Variants in MCOLN3 observed in about 807,000 individuals in gnomAD.
MCOLN3 encodes the protein mucolipin-3.
A neutral mutation model predicts 69.4 loss-of-function variants in MCOLN3; 62 were observed. The ratio of observed to expected loss-of-function variants is 0.89; its 90% CI spans 0.73 to 1.10. The LOEUF is 1.10. Ranked by LOEUF, MCOLN3 falls within the 50% of genes least tolerant of loss-of-function variation. The probability of loss-of-function intolerance (pLI) is 0.00; values close to 1 mark genes in which losing one functional copy is unlikely to be tolerated. For missense variants in MCOLN3, 564 were observed against 656.4 expected (o/e 0.86, Z 1.54); for synonymous variants, 183 against 217.0 (o/e 0.84, Z 1.38).
At chr1:85,024,762 A>T (rs1450593279) in intron 9 of MCOLN3, 1 of 151,880 alleles carries the variant, frequency 6.6e-6, no homozygotes, top group Non-Finnish European at 1.5e-5. Flanking sequence ...TTTGCTGCAA[A>T]TCTCTCCCCT....
intron 3 of MCOLN3, among the ~76,000 whole-genome samples, chr1:85,040,348 T>C (rs1483329877): frequency 2.0e-5 from 3 of 152,216 alleles, no homozygotes; most frequent in African/African-American, 7.2e-5. Flanking sequence ...AATTTTGAAA[T>C]GTGTCCTTCA....
At chr1:85,047,199 A>G (rs1184060555) in intron 1 of MCOLN3, 1 of 152,274 alleles carries the variant, frequency 6.6e-6, no homozygotes, top group Non-Finnish European at 1.5e-5. Context: ...GCCACACACC[A>G]TGTACAGTAA....
Position 85,032,973 on chromosome 1 carries a change from C to A in MCOLN3, c.551-17G>T, listed in dbSNP as rs1174864738. On this transcript the variant is annotated splice_polypyrimidine_tract_variant and intron_variant, in intron 4 of 12. Coordinates refer to ENST00000370589, the MANE Select transcript of MCOLN3 (RefSeq NM_018298.11). ...AGAAACACTCTGCCATAGAAAGGAACAAAAACATGATACAGTACTTAAATA... is the reference window on the plus strand; with the variant it reads ...AGAAACACTCTGCCATAGAAAGGAAAAAAAACATGATACAGTACTTAAATA... The A allele has an allele frequency of 1.9e-6, 3 of 1,608,794 alleles. No homozygotes were observed. Among genetic ancestry groups the A allele is most frequent in the Non-Finnish European group, 2.6e-6 (3 of 1,175,734 alleles).
chr1:85,029,489 G>A, intron 6 of MCOLN3: 1 of 262,156 alleles, frequency 3.8e-6, no homozygotes. Context: ...ACTTCCTCTT[G>A]CTCTCTGTTC....
In MCOLN3 at chr1:85,044,587, A is replaced by T. The variant is rs184853142; in HGVS notation, c.228+546T>A. On this transcript the variant is annotated intron_variant, in intron 2 of 12. Transcript: ENST00000370589. ...TATTAAAAGCAGCCAAGGAAATGTGATTTAAAAGCTCCCTTTGAACTAAAA... is the reference window on the plus strand; with the variant it reads ...TATTAAAAGCAGCCAAGGAAATGTGTTTTAAAAGCTCCCTTTGAACTAAAA... 5.3e-5 allele frequency among the ~76,000 whole-genome samples: 8 copies of T among 152,346 alleles called. No homozygotes were observed. The South Asian group carries it at 1.7e-3, about 32-fold the overall frequency.
chr1:85,045,387 A>C, intron 1 of MCOLN3, 25 bp from the exon 2 acceptor site: 1 of 1,555,484 alleles, frequency 6.4e-7, no homozygotes, highest in Non-Finnish European at 8.8e-7. Context: ...CAACAACAAC[A>C]ACAACCAACA....
Position 85,025,970 on chromosome 1 carries a change from C to A in MCOLN3, c.1064G>T (p.Gly355Val). 6.3e-7 allele frequency: 1 copy of A among 1,598,958 alleles called. No individual in the cohort carries two copies. The highest frequency in any genetic ancestry group is 8.5e-7 in the Non-Finnish European group (1 of 1,172,508). The change falls in exon 9 of 13, where the codon GGA becomes GTA. Residue 355 changes from glycine to valine, a missense_variant. Coordinates refer to ENST00000370589, the MANE Select transcript of MCOLN3 (RefSeq NM_018298.11). Reference sequence around the variant, plus strand: ...TTGGATTTCCATTTTTAGAATTGATCCAATGATTGTCAATATGTCACTAAT... The same window carrying A: ...TTGGATTTCCATTTTTAGAATTGATACAATGATTGTCAATATGTCACTAAT... ...IIISDILTII[G>V]SILKMEIQAK...
At chr1:85,047,926 G>C (rs955638439) in intron 1 of MCOLN3, among the ~76,000 whole-genome samples, 1 of 152,156 alleles carries the variant, frequency 6.6e-6, no homozygotes, top group Admixed American at 6.5e-5. Flanking sequence ...CAGCGACCCG[G>C]GCCTGAGCCC....
chr1:85,031,877 C>T (rs1652542260), intron 6 of MCOLN3, among the ~76,000 whole-genome samples: 1 of 151,624 alleles, frequency 6.6e-6, no homozygotes, highest in Non-Finnish European at 1.5e-5. Flanking sequence ...TCGAGACCAT[C>T]CTGGCTAACG....
At chr1:85,033,557 T>G (rs1416274149) in intron 4 of MCOLN3, among the ~76,000 whole-genome samples, 1 of 152,190 alleles carries the variant, frequency 6.6e-6, no homozygotes, top group Non-Finnish European at 1.5e-5. Context: ...TAATTGCAAA[T>G]AGAACTTTGC....
chr1:85,045,996 A>G (rs958373910), intron 1 of MCOLN3, among the ~76,000 whole-genome samples: 3 of 152,180 alleles, frequency 2.0e-5, no homozygotes, highest in Non-Finnish European at 4.4e-5. Context: ...CTACCCTTCT[A>G]TGATTGTAGC....
chr1:85,021,367 C>A, intron 11 of MCOLN3, 91 bp from the exon 12 acceptor site: 2 of 1,024,610 alleles, frequency 2.0e-6, no homozygotes, highest in South Asian at 1.6e-5. Context: ...CATAAAGGGA[C>A]CAGATAACCC....
Position 85,034,189 on chromosome 1 carries a change from T to C in MCOLN3, c.459A>G (p.Gln153=). The C allele has an allele frequency of 6.2e-7, 1 of 1,614,214 alleles. No individual in the cohort carries two copies. Among genetic ancestry groups the C allele is most frequent in the African/African-American group, 1.3e-5 (1 of 75,060 alleles). The change falls in exon 4 of 13, where the codon CAA becomes CAG. Residue 153 remains glutamine (Q), a synonymous_variant. Coordinates refer to ENST00000370589, the MANE Select transcript of MCOLN3 (RefSeq NM_018298.11). ...AGTGCTGACAGATTGCCATAGCAGA[T>C]TGCTTGGTACCTTTGTTCTCATAAG... ...NHAYENKGTK[Q]SAMAICQHFY...
intron 7 of MCOLN3, 101 bp downstream of exon 7, chr1:85,029,005 A>T: frequency 1.4e-6 from 1 of 736,668 alleles, no homozygotes; most frequent in South Asian, 1.8e-5. Context: ...AAATGGTCTA[A>T]TCTTCTATTT....
intron 6 of MCOLN3, among the ~76,000 whole-genome samples, chr1:85,032,092 G>C (rs1187336238): frequency 2.0e-5 from 3 of 151,526 alleles, no homozygotes; most frequent in Admixed American, 2.0e-4. Context: ...AGAAGAGAGA[G>C]AGAGAGAGAG....
chr1:85,043,345 C>T (rs1277206198), intron 2 of MCOLN3, among the ~76,000 whole-genome samples: 1 of 152,090 alleles, frequency 6.6e-6, no homozygotes, highest in African/African-American at 2.4e-5. Context: ...GCCTGGCCAA[C>T]ATGGTGAAAC....
intron 6 of MCOLN3, among the ~76,000 whole-genome samples, chr1:85,031,309 G>A (rs1190477669): frequency 6.6e-6 from 1 of 150,554 alleles, no homozygotes; most frequent in Non-Finnish European, 1.5e-5. Context: ...GGAGAAATAA[G>A]ATCTAGTGTT....
chr1:85,030,776 ACAG>A (rs1172244378), intron 6 of MCOLN3, among the ~76,000 whole-genome samples: 9 of 152,218 alleles, frequency 5.9e-5, no homozygotes, highest in Non-Finnish European at 1.2e-4. Context: ...GATAAAGATG[ACAG>A]CAGATTTCTC....
chr1:85,034,959 T>C lies in MCOLN3; in HGVS notation c.397-708A>G, dbSNP rs74926275. On this transcript the variant is annotated intron_variant, in intron 3 of 12. Coordinates refer to ENST00000370589, the MANE Select transcript of MCOLN3 (RefSeq NM_018298.11). Reference sequence around the variant, plus strand: ...TGAACAACTTTGTGTGATCGACACATAGAAAATAATTCTGCTAAAAGATAT... The same window carrying C: ...TGAACAACTTTGTGTGATCGACACACAGAAAATAATTCTGCTAAAAGATAT... Among the ~76,000 whole-genome samples, 165 of 152,336 alleles carry C rather than the reference T, an allele frequency of 1.1e-3. 2 individuals are homozygous for C. The East Asian group carries it at 0.03, about 28-fold the overall frequency.
Sources: allele counts gnomAD v4.1 joint callset (sites outside exome capture counted in the v4.1 genomes callset), GRCh38; gene constraint gnomAD v4.1.1; transcripts MANE v1.5; gene names NCBI Gene and HGNC (gene_info 2026-07-23, HGNC 2026-07-21).